UNC13C: variants seen among roughly 807,000 people sequenced by gnomAD.
The protein encoded by UNC13C is unc-13 homolog C, also known as protein unc-13 homolog C.
A neutral mutation model predicts 245.4 loss-of-function variants in UNC13C; 174 were observed. The ratio of observed to expected loss-of-function variants is 0.71; its 90% CI spans 0.63 to 0.80. The LOEUF (loss-of-function observed/expected upper bound fraction) is 0.80, where lower values mean the gene tolerates loss of function less well. Among genes scored for constraint, UNC13C ranks in the 30% least tolerant of loss-of-function variants. The probability of loss-of-function intolerance (pLI) is 0.00; values close to 1 mark genes in which losing one functional copy is unlikely to be tolerated. For missense variants in UNC13C, 2,829 were observed against 2,602.9 expected (o/e 1.09, Z -1.89); for synonymous variants, 992 against 895.1 (o/e 1.11, Z -1.93).
At chr15:54,419,056 C>G (rs116232972) in intron 19 of UNC13C, among the ~76,000 whole-genome samples, 1,586 of 152,170 alleles carry the variant, frequency 0.01, 30 homozygotes, top group African/African-American at 0.036. Flanking sequence ...TAGAATCATG[C>G]TGACTAAAAT....
intron 17 of UNC13C, among the ~76,000 whole-genome samples, chr15:54,380,423 A>T (rs1260199165): frequency 6.6e-6 from 1 of 152,182 alleles, no homozygotes; most frequent in Non-Finnish European, 1.5e-5. Flanking sequence ...GAATAATGCT[A>T]CAATGAATAT....
At chr15:54,462,174 G>A (rs1246122661) in intron 19 of UNC13C, among the ~76,000 whole-genome samples, 2 of 152,206 alleles carry the variant, frequency 1.3e-5, no homozygotes, top group Non-Finnish European at 2.9e-5. Context: ...ATATAAAAGA[G>A]AGACTACAAT....
At chr15:54,024,663 A>C (rs1474473401) in intron 2 of UNC13C, among the ~76,000 whole-genome samples, 2 of 152,128 alleles carry the variant, frequency 1.3e-5, no homozygotes, top group Non-Finnish European at 2.9e-5. Flanking sequence ...TCACGTCTGT[A>C]ATCCCAGCAC....
intron 2 of UNC13C, among the ~76,000 whole-genome samples, chr15:54,044,860 T>C (rs1280112061): frequency 6.6e-6 from 1 of 152,190 alleles, no homozygotes. Flanking sequence ...ATTGGCCATT[T>C]GTATATCTTC....
intron 2 of UNC13C, among the ~76,000 whole-genome samples, chr15:54,063,070 T>G (rs141571171): frequency 6.6e-6 from 1 of 152,256 alleles, no homozygotes; most frequent in African/African-American, 2.4e-5. Flanking sequence ...GGTATTTGGT[T>G]TTTTTCCTTC....
At chr15:54,382,649 G>A (rs1238215141) in intron 17 of UNC13C, among the ~76,000 whole-genome samples, 1 of 151,160 alleles carries the variant, frequency 6.6e-6, no homozygotes, top group East Asian at 1.9e-4. Flanking sequence ...TACACTTCAA[G>A]CAACTAGAAA....
chr15:54,305,626 G>A (rs945341400), intron 13 of UNC13C, among the ~76,000 whole-genome samples: 4 of 151,776 alleles, frequency 2.6e-5, no homozygotes, highest in African/African-American at 7.3e-5. Context: ...AAAAGTAACC[G>A]GAAAGCCAAC....
intron 2 of UNC13C, among the ~76,000 whole-genome samples, chr15:54,131,355 C>T (rs4776210): frequency 0.37 from 56,317 of 152,036 alleles, 10,500 homozygotes; most frequent in Admixed American, 0.39. Flanking sequence ...TTCCACATTG[C>T]GATTAGGATA....
At chr15:54,575,396 C>T (rs1378153864) in intron 30 of UNC13C, among the ~76,000 whole-genome samples, 1 of 152,186 alleles carries the variant, frequency 6.6e-6, no homozygotes, top group Admixed American at 6.5e-5. Context: ...TATTTGGGAT[C>T]ATACCACCTA....
chr15:54,630,201 C>T (rs1294232799), downstream of UNC13C: 2 of 152,134 alleles, frequency 1.3e-5, no homozygotes, highest in African/African-American at 4.8e-5. Context: ...TTAGCAAACA[C>T]AAAGTATTTA....
intron 13 of UNC13C, chr15:54,321,227 A>C (rs1477081191): frequency 8.1e-6 from 4 of 490,902 alleles, no homozygotes; most frequent in Non-Finnish European, 1.6e-5. Context: ...TGGTCATCAA[A>C]GGTTACACAA....
intron 19 of UNC13C, among the ~76,000 whole-genome samples, chr15:54,444,373 G>A (rs553815377): frequency 1.1e-3 from 161 of 151,110 alleles, no homozygotes; most frequent in African/African-American, 3.8e-3. Context: ...TATGACATTT[G>A]TATATGTCTT....
chr15:54,016,832 T>A (rs932417410), intron 2 of UNC13C, among the ~76,000 whole-genome samples: 1 of 152,212 alleles, frequency 6.6e-6, no homozygotes. Context: ...ATTATTATTA[T>A]GTTCCCTGAT....
At chr15:54,092,579 A>G (rs910632334) in intron 2 of UNC13C, among the ~76,000 whole-genome samples, 2 of 152,178 alleles carry the variant, frequency 1.3e-5, no homozygotes, top group Non-Finnish European at 2.9e-5. Flanking sequence ...TCTGAACCTG[A>G]CAAAATCTGT....
intron 19 of UNC13C, among the ~76,000 whole-genome samples, chr15:54,452,326 C>T (rs569131436): frequency 2.0e-5 from 3 of 152,180 alleles, no homozygotes; most frequent in Admixed American, 1.3e-4. Flanking sequence ...CTGGATAGTG[C>T]GTGGATTATG....
intron 4 of UNC13C, among the ~76,000 whole-genome samples, chr15:54,178,061 C>T (rs1200154490): frequency 6.6e-6 from 1 of 151,926 alleles, no homozygotes; most frequent in African/African-American, 2.4e-5. Context: ...CTATCTTTCC[C>T]TTTAACTTCT....
chr15:54,044,134 T>C (rs1896930463), intron 2 of UNC13C, among the ~76,000 whole-genome samples: 3 of 152,252 alleles, frequency 2.0e-5, no homozygotes, highest in Admixed American at 2.0e-4. Flanking sequence ...CCCTGTGGAG[T>C]TGCCTTTTCT....
chr15:54,386,283 G>A (rs2039835355), intron 17 of UNC13C, among the ~76,000 whole-genome samples: 2 of 152,128 alleles, frequency 1.3e-5, no homozygotes, highest in African/African-American at 4.8e-5. Flanking sequence ...AATAAATGAA[G>A]AACATCCAAG....
At chr15:54,032,404 C>T (rs1025550974) in intron 2 of UNC13C, among the ~76,000 whole-genome samples, 2 of 152,184 alleles carry the variant, frequency 1.3e-5, no homozygotes, top group Admixed American at 1.3e-4. Context: ...AAACTTTTCC[C>T]ACCTTCCTGG....
Sources: gnomAD v4.1 joint callset for allele counts (sites outside exome capture counted in the v4.1 genomes callset) on GRCh38, gnomAD v4.1.1 for gene constraint, MANE v1.5 for transcripts, NCBI Gene and HGNC (gene_info 2026-07-23, HGNC 2026-07-21) for gene names.